The following TTC23 variants were observed in gnomAD, a reference collection of about 807,000 sequenced individuals.
The protein encoded by TTC23 is tetratricopeptide repeat domain 23, also known as tetratricopeptide repeat protein 23.
Under a neutral mutation model 55.1 loss-of-function variants are expected in TTC23, and 58 were observed. The ratio of observed to expected loss-of-function variants is 1.05; its 90% CI spans 0.85 to 1.31. TTC23 has a LOEUF of 1.31. Ranked by LOEUF, TTC23 falls within the 50% of genes most tolerant of loss-of-function variation. The probability of loss-of-function intolerance (pLI) is 0.00; values close to 1 mark genes in which losing one functional copy is unlikely to be tolerated. For missense variants in TTC23, 516 were observed against 534.4 expected (o/e 0.97, Z 0.34); for synonymous variants, 203 against 199.9 (o/e 1.02, Z -0.13).
At chr15:99,180,932 G>T (rs1312842405) in intron 9 of TTC23, among the ~76,000 whole-genome samples, 1 of 152,214 alleles carries the variant, frequency 6.6e-6, no homozygotes, top group Non-Finnish European at 1.5e-5. Flanking sequence ...CTGAGGGTGA[G>T]CACTGGAGGG....
At chr15:99,193,466 T>C (rs959178791) in intron 9 of TTC23, among the ~76,000 whole-genome samples, 13 of 152,326 alleles carry the variant, frequency 8.5e-5, no homozygotes, top group African/African-American at 2.9e-4. Context: ...GGAGTTTCCC[T>C]GACCAATCTG....
At chr15:99,218,773 C>G in intron 7 of TTC23, 60 bp from the exon 8 acceptor site, 1 of 1,607,746 alleles carries the variant, frequency 6.2e-7, no homozygotes, top group Admixed American at 1.7e-5. Context: ...ATGTCCTGAA[C>G]TTCCTTGGCT....
intron 9 of TTC23, among the ~76,000 whole-genome samples, chr15:99,178,176 G>A (rs993828193): frequency 6.6e-6 from 1 of 152,086 alleles, no homozygotes; most frequent in Non-Finnish European, 1.5e-5. Context: ...GCAAGACTCT[G>A]TCTCAAAAAA....
rs555455449 is a variant in TTC23, at chr15:99,136,908, A to G, written c.*1102T>C. ...TCTCCACCCTGTCGTGGCTCTACTGAGTTTATTTTCCCCATCAATACTGGA... is the reference window on the plus strand; with the variant it reads ...TCTCCACCCTGTCGTGGCTCTACTGGGTTTATTTTCCCCATCAATACTGGA... On this transcript the variant is annotated 3_prime_UTR_variant, in exon 14 of 14. Coordinates refer to ENST00000394132, the MANE Select transcript of TTC23 (RefSeq NM_001288615.3). 2.0e-5 allele frequency: 3 copies of G among 152,254 alleles called. No homozygotes were observed. The East Asian group carries it at 5.8e-4, about 29-fold the overall frequency. The allele number at this position is 152,254 out of a possible 1,614,324, so 9.4% of individuals were successfully genotyped here.
chr15:99,171,341 G>C (rs1278106562), intron 10 of TTC23, among the ~76,000 whole-genome samples: 4 of 152,104 alleles, frequency 2.6e-5, no homozygotes, highest in African/African-American at 9.7e-5. Context: ...AGAGACAGTA[G>C]GTCCTTCAGA....
chr15:99,185,411 T>C (rs958277755), intron 9 of TTC23, among the ~76,000 whole-genome samples: 2 of 152,192 alleles, frequency 1.3e-5, no homozygotes, highest in African/African-American at 2.4e-5. Context: ...TTGTTGAGGC[T>C]GAGATCTAAA....
intron 9 of TTC23, among the ~76,000 whole-genome samples, chr15:99,186,208 A>G (rs1385989168): frequency 6.6e-6 from 1 of 152,128 alleles, no homozygotes; most frequent in African/African-American, 2.4e-5. Flanking sequence ...TCCATTTTGA[A>G]CCTTTGAGTA....
intron 9 of TTC23, among the ~76,000 whole-genome samples, chr15:99,185,170 C>A (rs749676886): frequency 7.2e-5 from 11 of 152,168 alleles, no homozygotes; most frequent in Non-Finnish European, 1.3e-4. Context: ...CATTCTACAT[C>A]CTTCCTAATT....
rs537196296 is a variant in TTC23, at chr15:99,204,268, T to C, written c.582-4172A>G. ...TGTTGAGTATTTTTTCATATACTTG[T>C]TGGTCATTTGCATGTCTTCTTTTGA... On this transcript the variant is annotated intron_variant, in intron 8 of 13. Coordinates refer to ENST00000394132, the MANE Select transcript of TTC23 (RefSeq NM_001288615.3). Among the ~76,000 whole-genome samples, 169 of 152,308 alleles carry C rather than the reference T, an allele frequency of 1.1e-3. 1 individual carries two copies. Among genetic ancestry groups the C allele is most frequent in the African/African-American group, 4.0e-3 (165 of 41,558 alleles).
chr15:99,194,903 G>A (rs1015213499), intron 9 of TTC23, among the ~76,000 whole-genome samples: 13 of 152,144 alleles, frequency 8.5e-5, no homozygotes, highest in African/African-American at 3.1e-4. Flanking sequence ...ATTGCACTCT[G>A]GCCTGGGCAA....
intron 12 of TTC23, among the ~76,000 whole-genome samples, chr15:99,143,814 C>A (rs1476716088): frequency 1.3e-5 from 2 of 152,214 alleles, no homozygotes; most frequent in Admixed American, 6.5e-5. Flanking sequence ...TTGTCTTGCT[C>A]ACCACTGTGT....
chr15:99,160,981 C>A (rs1220110320), intron 11 of TTC23: 2 of 147,846 alleles, frequency 1.4e-5, no homozygotes, highest in Non-Finnish European at 3.0e-5. Flanking sequence ...CCACTGCACT[C>A]CAGCTTGGGT....
rs199623284 is a variant in TTC23 at position 99,156,176 on chromosome 15, T to C, written c.1115A>G (p.His372Arg). The change falls in exon 12 of 14, where the codon CAC (histidine) becomes CGC (arginine). Residue 372 changes from histidine (H) to arginine (R), a missense_variant. Coordinates refer to ENST00000394132, the MANE Select transcript of TTC23 (RefSeq NM_001288615.3). ...CTTCAGTTTCTTGCGGGCCCCACTGTGGTTCCCCTGCGCCAGGTCTGCTCC... is the reference window on the plus strand; with the variant it reads ...CTTCAGTTTCTTGCGGGCCCCACTGCGGTTCCCCTGCGCCAGGTCTGCTCC... ...LGGADLAQGN[H>R]SGARKKLKKC... is the part of the protein sequence containing the mutation. 1.9e-4 allele frequency: 306 copies of C among 1,614,070 alleles called. 1 individual carries two copies. Among genetic ancestry groups the C allele is most frequent in the Non-Finnish European group, 2.4e-4 (285 of 1,180,026 alleles).
intron 4 of TTC23, among the ~76,000 whole-genome samples, chr15:99,232,478 C>CAA (rs770961662): frequency 7.4e-4 from 73 of 98,558 alleles, no homozygotes; most frequent in Middle Eastern, 6.3e-3. Context: ...GACTCCATCT[C>CAA]AAAAAAAAAA....
Position 99,150,710 on chromosome 15 carries a change from A to T in TTC23, c.1143+5438T>A, listed in dbSNP as rs532558917. 1.9e-4 allele frequency among the ~76,000 whole-genome samples: 29 copies of T among 152,318 alleles called. 1 individual carries two copies. In the South Asian group the frequency reaches 5.8e-3, roughly 30 times the overall value. On this transcript the variant is annotated intron_variant, in intron 12 of 13. Transcript: ENST00000394132. ...GGTTGCAAATGATCATGTGTAAAAAACGTTTAACTTGAGGGCCACACAAAA... is the reference window on the plus strand; with the variant it reads ...GGTTGCAAATGATCATGTGTAAAAATCGTTTAACTTGAGGGCCACACAAAA...
intron 12 of TTC23, among the ~76,000 whole-genome samples, chr15:99,155,128 C>T (rs551393120): frequency 4.6e-5 from 7 of 152,000 alleles, no homozygotes; most frequent in Admixed American, 6.6e-5. Flanking sequence ...AAAATTTACA[C>T]AGAGAAACCA....
intron 5 of TTC23, among the ~76,000 whole-genome samples, chr15:99,224,228 T>C (rs1434507684): frequency 6.6e-6 from 1 of 152,212 alleles, no homozygotes; most frequent in Non-Finnish European, 1.5e-5. Flanking sequence ...CGTTTCTTAC[T>C]ACAAAAATAA....
chr15:99,180,482 C>T (rs544673040), intron 9 of TTC23, among the ~76,000 whole-genome samples: 1 of 152,184 alleles, frequency 6.6e-6, no homozygotes, highest in Non-Finnish European at 1.5e-5. Context: ...ATCAAGCTGT[C>T]GACAGACACA....
intron 10 of TTC23, among the ~76,000 whole-genome samples, chr15:99,167,256 G>C (rs1311426994): frequency 6.6e-6 from 1 of 152,136 alleles, no homozygotes; most frequent in Non-Finnish European, 1.5e-5. Flanking sequence ...CCTGAAACAG[G>C]GTGTAGGTTC....
Sources: allele counts gnomAD v4.1 joint callset (sites outside exome capture counted in the v4.1 genomes callset), GRCh38; gene constraint gnomAD v4.1.1; transcripts MANE v1.5; gene names NCBI Gene and HGNC (gene_info 2026-07-23, HGNC 2026-07-21).